HADHA: variants seen among roughly 807,000 people sequenced by gnomAD.
HADHA encodes the protein trifunctional enzyme subunit alpha, mitochondrial.
In HADHA, 59 loss-of-function variants were observed where a neutral mutation model predicts 91.3. That is an observed-to-expected ratio of 0.65 (90% CI 0.52 to 0.80). HADHA has a LOEUF of 0.80. Among genes scored for constraint, HADHA ranks in the 30% least tolerant of loss-of-function variants. The probability of loss-of-function intolerance (pLI) is 0.00; values close to 1 mark genes in which losing one functional copy is unlikely to be tolerated. For missense variants in HADHA, 800 were observed against 927.6 expected (o/e 0.86, Z 1.79); for synonymous variants, 320 against 338.9 (o/e 0.94, Z 0.61).
At chr2:26,223,179 C>T (rs1047552212) in intron 7 of HADHA, among the ~76,000 whole-genome samples, 1 of 152,154 alleles carries the variant, frequency 6.6e-6, no homozygotes, top group African/African-American at 2.4e-5. Flanking sequence ...GCCATCTGGC[C>T]ACTTTGGGCT....
In HADHA at chr2:26,209,900, A is replaced by C; in HGVS notation, c.976-11T>G. On this transcript the variant is annotated splice_polypyrimidine_tract_variant and intron_variant, in intron 10 of 19. Coordinates refer to ENST00000380649, the MANE Select transcript of HADHA (RefSeq NM_000182.5). Reference sequence around the variant, plus strand: ...AAGCTCTCCAAATTTCTGAAAAGTAAAGGGGAATGAGAAAAGGTAGAACTT... The same window carrying C: ...AAGCTCTCCAAATTTCTGAAAAGTACAGGGGAATGAGAAAAGGTAGAACTT... 1 of 1,327,796 alleles carries C rather than the reference A, an allele frequency of 7.5e-7. No homozygotes were observed. Among genetic ancestry groups the C allele is most frequent in the African/African-American group, 1.4e-5 (1 of 69,704 alleles). The allele number at this position is 1,327,796 out of a possible 1,614,324, so 82.3% of individuals were successfully genotyped here.
chr2:26,213,083 A>G (rs1008474063), intron 9 of HADHA, among the ~76,000 whole-genome samples: 1 of 152,244 alleles, frequency 6.6e-6, no homozygotes, highest in African/African-American at 2.4e-5. Flanking sequence ...CTTACTCACT[A>G]TCATAATTTA....
Position 26,214,150 on chromosome 2 carries a change from T to A in HADHA, c.918+293A>T, listed in dbSNP as rs1031250220. On this transcript the variant is annotated intron_variant, in intron 9 of 19. Transcript: ENST00000380649. This position sits in a 1 kb window ranked among gnomAD's most constrained non-coding sequence, Gnocchi z 4.1. ...TTTTGGTTAGTGCCTGACACTCTAATGGCTTTGTGATACTGATATGACTTA... is the reference window on the plus strand; with the variant it reads ...TTTTGGTTAGTGCCTGACACTCTAAAGGCTTTGTGATACTGATATGACTTA... 6.6e-6 allele frequency among the ~76,000 whole-genome samples: 1 copy of A among 152,250 alleles called. No individual in the cohort carries two copies. The highest frequency in any genetic ancestry group is 2.4e-5 in the African/African-American group (1 of 41,468).
At chr2:26,204,904 C>G (rs990345937) in intron 11 of HADHA, among the ~76,000 whole-genome samples, 2 of 152,178 alleles carry the variant, frequency 1.3e-5, no homozygotes, top group Non-Finnish European at 1.5e-5. Context: ...CCCCCAAAAT[C>G]TGTGCCTTTA....
chr2:26,240,701 C>A (rs1670869680), intron 1 of HADHA, among the ~76,000 whole-genome samples: 1 of 152,104 alleles, frequency 6.6e-6, no homozygotes, highest in South Asian at 2.1e-4. Flanking sequence ...CCAGGCTGGT[C>A]TTGAACTCCT....
At chr2:26,195,900 G>T (rs570778845) in intron 14 of HADHA, among the ~76,000 whole-genome samples, 1 of 152,156 alleles carries the variant, frequency 6.6e-6, no homozygotes, top group Non-Finnish European at 1.5e-5. Context: ...ATTCTGATGC[G>T]TGCTAAGGTT....
intron 11 of HADHA, among the ~76,000 whole-genome samples, chr2:26,207,740 G>A (rs1226308779): frequency 6.6e-6 from 1 of 152,136 alleles, no homozygotes; most frequent in Non-Finnish European, 1.5e-5. Flanking sequence ...GCATAACATG[G>A]TACCTTGTCT....
chr2:26,215,010 C>T (rs1474888995), intron 8 of HADHA, 43 bp downstream of exon 8: 1 of 1,546,514 alleles, frequency 6.5e-7, no homozygotes. Flanking sequence ...ATTAAATTCT[C>T]AGGAAAGAAG....
chr2:26,230,235 CCT>C lies in HADHA; in HGVS notation c.631_632del (p.Arg211GlyfsTer8), dbSNP rs1670589870. 6.2e-7 allele frequency: 1 copy of C among 1,613,568 alleles called. No individual in the cohort carries two copies. The highest frequency in any genetic ancestry group is 8.5e-7 in the Non-Finnish European group (1 of 1,179,686). The part of the protein sequence containing the change: ...MLTGRSIRAD[R>X]AKKMGLVDQL... ...GGTCAACCAGTCCCATTTTCTTTGC[CCT>C]GTCTGCACGAATGCTTCTACCAGTC... is the stretch of plus-strand genomic sequence containing the variant. On this transcript the variant is annotated frameshift_variant, in exon 7 of 20. Coordinates refer to ENST00000380649, the MANE Select transcript of HADHA (RefSeq NM_000182.5). LOFTEE classifies it high-confidence loss of function.
At chr2:26,222,282 G>A (rs927370259) in intron 7 of HADHA, among the ~76,000 whole-genome samples, 11 of 152,322 alleles carry the variant, frequency 7.2e-5, no homozygotes, top group South Asian at 4.1e-4. Context: ...CCTGATCTTA[G>A]ACTTCCAGTT....
chr2:26,199,060 A>G (rs1266389021), intron 13 of HADHA, among the ~76,000 whole-genome samples: 1 of 151,926 alleles, frequency 6.6e-6, no homozygotes, highest in Non-Finnish European at 1.5e-5. Context: ...ATGCCTGGCT[A>G]ATTTTTTTGT....
chr2:26,242,786 C>T (rs954038042), intron 1 of HADHA, among the ~76,000 whole-genome samples: 3 of 152,200 alleles, frequency 2.0e-5, no homozygotes, highest in East Asian at 1.9e-4. Flanking sequence ...GTTTTTGAGA[C>T]GGAGGACCAG....
intron 7 of HADHA, among the ~76,000 whole-genome samples, chr2:26,224,550 A>G (rs1038824461): frequency 4.6e-5 from 7 of 152,232 alleles, no homozygotes; most frequent in South Asian, 4.1e-4. Flanking sequence ...TTAACTTTAT[A>G]TCATAGCATT....
At chr2:26,193,862 T>C in intron 16 of HADHA, 90 bp from the exon 17 acceptor site, 1 of 993,322 alleles carries the variant, frequency 1.0e-6, no homozygotes, top group African/African-American at 1.6e-5. Flanking sequence ...CACTGCCTTG[T>C]GTAAAACCCA....
At position 26,194,640 on chromosome 2, in the gene HADHA, T is replaced by C; in HGVS notation, c.1621-2A>G. On this transcript the variant is annotated splice_acceptor_variant, in intron 15 of 19. Transcript: ENST00000380649. LOFTEE classifies it high-confidence loss of function. The stretch of plus-strand genomic sequence containing the variant: ...GGTAGTATAGAAGCCAGGTCCATCC[T>C]GCCAAGGAAGAGAACATGAGCTCCC... 1 of 1,604,762 alleles carries C rather than the reference T, an allele frequency of 6.2e-7. No homozygotes were observed. The highest frequency in any genetic ancestry group is 8.5e-7 in the Non-Finnish European group (1 of 1,172,038).
intron 7 of HADHA, among the ~76,000 whole-genome samples, chr2:26,224,548 A>G (rs2147776262): frequency 6.6e-6 from 1 of 152,346 alleles, no homozygotes; most frequent in East Asian, 1.9e-4. Context: ...GGTTAACTTT[A>G]TATCATAGCA....
At position 26,214,939 on chromosome 2, in the gene HADHA, T is replaced by G. The variant is rs1359892070; in HGVS notation, c.799+114A>C. 1 of 1,022,928 alleles carries G rather than the reference T, an allele frequency of 9.8e-7. No homozygotes were observed. The highest frequency in any genetic ancestry group is 1.5e-6 in the Non-Finnish European group (1 of 649,244). The allele number at this position is 1,022,928 out of a possible 1,614,324, so 63.4% of individuals were successfully genotyped here. On this transcript the variant is annotated intron_variant, in intron 8 of 19. Coordinates refer to ENST00000380649, the MANE Select transcript of HADHA (RefSeq NM_000182.5). This position sits in a 1 kb window ranked among gnomAD's most constrained non-coding sequence, Gnocchi z 4.1. ...GTTACATCTCCTACCTAAGGCTGAC[T>G]TTATGCTTTGAGTAAATAATGCATT...
At position 26,221,310 on chromosome 2, in the gene HADHA, G is replaced by A. The variant is rs1417799705; in HGVS notation, c.677-6135C>T. On this transcript the variant is annotated intron_variant, in intron 7 of 19. Coordinates refer to ENST00000380649, the MANE Select transcript of HADHA (RefSeq NM_000182.5). The surrounding 1 kb of genome is among the most constrained non-coding windows in gnomAD (Gnocchi z 4.8). ...GGAGTCTTTAATAGATCTCTATTAGGTGAATCACAACACAGACCCTTAGGA... is the reference window on the plus strand; with the variant it reads ...GGAGTCTTTAATAGATCTCTATTAGATGAATCACAACACAGACCCTTAGGA... Among the ~76,000 whole-genome samples the A allele has an allele frequency of 6.6e-6, 1 of 152,126 alleles. No individual in the cohort carries two copies. Among genetic ancestry groups the A allele is most frequent in the Non-Finnish European group, 1.5e-5 (1 of 68,012 alleles).
At chr2:26,244,064 G>A (rs1191794710) in intron 1 of HADHA, among the ~76,000 whole-genome samples, 1 of 152,254 alleles carries the variant, frequency 6.6e-6, no homozygotes, top group Non-Finnish European at 1.5e-5. Flanking sequence ...GAGCAGGGAG[G>A]GGCAGTGATC....
Sources: gnomAD v4.1 joint callset for allele counts (sites outside exome capture counted in the v4.1 genomes callset) on GRCh38, gnomAD v4.1.1 for gene constraint, Gnocchi (gnomAD v3.1) non-coding constraint, MANE v1.5 for transcripts, NCBI Gene and HGNC (gene_info 2026-07-23, HGNC 2026-07-21) for gene names.